The following LRRC3B variants were observed in gnomAD, a reference collection of about 807,000 sequenced individuals.
The protein encoded by LRRC3B is leucine-rich repeat-containing protein 3B.
Under a neutral mutation model 12.8 loss-of-function variants are expected in LRRC3B, and 2 were observed. The ratio of observed to expected loss-of-function variants is 0.16; its 90% CI spans 0.06 to 0.49. The LOEUF is 0.49. LRRC3B is among the 20% of genes least tolerant of loss of function. The pLI is 0.96. For missense variants in LRRC3B, 189 were observed against 319.4 expected (o/e 0.59, Z 3.11); for synonymous variants, 132 against 122.0 (o/e 1.08, Z -0.54).
chr3:26,643,906 G>T (rs7652856), intron 1 of LRRC3B, among the ~76,000 whole-genome samples: 78,323 of 151,898 alleles, frequency 0.52, 20,373 homozygotes, highest in East Asian at 0.64. Context: ...TCTTACCAGC[G>T]AATTCTGCAT....
chr3:26,680,786 A>AAGAT (rs1699954908), intron 1 of LRRC3B, among the ~76,000 whole-genome samples: 1 of 152,262 alleles, frequency 6.6e-6, no homozygotes. Context: ...TTGTGACCAA[A>AAGAT]AGATACAAAG....
chr3:26,703,877 T>C (rs1700518931), intron 1 of LRRC3B, among the ~76,000 whole-genome samples: 2 of 152,080 alleles, frequency 1.3e-5, no homozygotes, highest in South Asian at 4.1e-4. Flanking sequence ...CACTGAATAG[T>C]TGCTTTCTGA....
At chr3:26,631,843 G>A (rs78809774) in intron 1 of LRRC3B, among the ~76,000 whole-genome samples, 7,061 of 152,140 alleles carry the variant, frequency 0.046, 458 homozygotes, top group East Asian at 0.16. Flanking sequence ...TACTTCCCCC[G>A]TAAGAGGGAA....
chr3:26,631,185 C>G (rs1215467460), intron 1 of LRRC3B, among the ~76,000 whole-genome samples: 1 of 152,172 alleles, frequency 6.6e-6, no homozygotes, highest in African/African-American at 2.4e-5. Flanking sequence ...GAAGCAATAG[C>G]CTCCTGGATC....
chr3:26,684,659 T>G (rs994177146), intron 1 of LRRC3B, among the ~76,000 whole-genome samples: 2 of 152,222 alleles, frequency 1.3e-5, no homozygotes, highest in African/African-American at 4.8e-5. Flanking sequence ...AACTTGTCCT[T>G]TTTTAATGGC....
chr3:26,707,037 A>C (rs1700608184), intron 1 of LRRC3B, among the ~76,000 whole-genome samples: 1 of 152,114 alleles, frequency 6.6e-6, no homozygotes, highest in South Asian at 2.1e-4. Flanking sequence ...CTATGGCTAA[A>C]AAGCATCGAA....
At chr3:26,668,797 T>C (rs535583503) in intron 1 of LRRC3B, among the ~76,000 whole-genome samples, 1 of 152,338 alleles carries the variant, frequency 6.6e-6, no homozygotes, top group South Asian at 2.1e-4. Flanking sequence ...CAGTGTATGA[T>C]CCTCTGGCTC....
chr3:26,633,759 C>G, intron 1 of LRRC3B, among the ~76,000 whole-genome samples: 1 of 152,156 alleles, frequency 6.6e-6, no homozygotes, highest in East Asian at 1.9e-4. Context: ...TGCAGCTGAG[C>G]ATGAGGTCAC....
chr3:26,690,591 A>T (rs1485171051), intron 1 of LRRC3B, among the ~76,000 whole-genome samples: 1 of 152,112 alleles, frequency 6.6e-6, no homozygotes, highest in Non-Finnish European at 1.5e-5. Flanking sequence ...AGGAAAATCA[A>T]CTCAGAGCAA....
intron 1 of LRRC3B, among the ~76,000 whole-genome samples, chr3:26,654,266 G>A (rs1220775086): frequency 2.0e-5 from 3 of 152,146 alleles, no homozygotes; most frequent in Non-Finnish European, 4.4e-5. Context: ...ATAAGAAGCC[G>A]GCTGTCCAAC....
At chr3:26,671,263 C>T (rs928202584) in intron 1 of LRRC3B, among the ~76,000 whole-genome samples, 2 of 145,702 alleles carry the variant, frequency 1.4e-5, no homozygotes, top group Non-Finnish European at 3.0e-5. Flanking sequence ...GATCCGCCCG[C>T]CTCGGCCTCC....
chr3:26,667,550 G>GC (rs1476312902), intron 1 of LRRC3B, among the ~76,000 whole-genome samples: 1 of 152,088 alleles, frequency 6.6e-6, no homozygotes, highest in Admixed American at 6.5e-5. Context: ...CTAAAGTATG[G>GC]CCCCCACCCA....
intron 1 of LRRC3B, among the ~76,000 whole-genome samples, chr3:26,632,569 T>G (rs1698780964): frequency 6.6e-6 from 1 of 151,882 alleles, no homozygotes; most frequent in African/African-American, 2.4e-5. Flanking sequence ...GACCCAGGGT[T>G]TATATATGGT....
chr3:26,656,722 T>C (rs1003983004), intron 1 of LRRC3B, among the ~76,000 whole-genome samples: 2 of 152,226 alleles, frequency 1.3e-5, no homozygotes, highest in Non-Finnish European at 2.9e-5. Flanking sequence ...ATCTGAATCC[T>C]GACAACCATT....
chr3:26,677,431 T>G (rs1447955923), intron 1 of LRRC3B, among the ~76,000 whole-genome samples: 1 of 152,186 alleles, frequency 6.6e-6, no homozygotes, highest in African/African-American at 2.4e-5. Context: ...CATTTGCCTG[T>G]GATCGACTTG....
chr3:26,627,355 C>A (rs1047772758), intron 1 of LRRC3B, among the ~76,000 whole-genome samples: 1 of 152,142 alleles, frequency 6.6e-6, no homozygotes, highest in Non-Finnish European at 1.5e-5. Context: ...GGGCAAGAGT[C>A]ATAGACAGAT....
rs61229084 is a variant in LRRC3B, at chr3:26,685,486, C to CCTCT, written c.-160-23992_-160-23989dup. Among the ~76,000 whole-genome samples, 166 of 49,510 alleles carry CCTCT rather than the reference C, an allele frequency of 3.4e-3. 2 individuals carry two copies. Among genetic ancestry groups the CCTCT allele is most frequent in the African/African-American group, 4.4e-3 (48 of 10,796 alleles). 32.5% of individuals were successfully genotyped at this position (49,510 alleles called of 152,430 possible). A position where few individuals can be genotyped will look rare whatever the true frequency, so the allele number is the denominator to read the frequency against. On this transcript the variant is annotated intron_variant, in intron 1 of 1. Coordinates refer to ENST00000396641, the Ensembl canonical transcript of LRRC3B. ...CAACTAAGATATGGTAGACTCTCTC[C>CCTCT]CTCTCTCTCTCTCTCTCTCTCTCTC...
intron 1 of LRRC3B, among the ~76,000 whole-genome samples, chr3:26,647,344 T>C (rs986637213): frequency 1.3e-5 from 2 of 152,156 alleles, no homozygotes; most frequent in Non-Finnish European, 2.9e-5. Flanking sequence ...CCAGAGATCC[T>C]GGGAGCAGAG....
At chr3:26,660,674 A>G (rs372966148) in intron 1 of LRRC3B, among the ~76,000 whole-genome samples, 1 of 152,280 alleles carries the variant, frequency 6.6e-6, no homozygotes, top group South Asian at 2.1e-4. Context: ...ATGTTGACAA[A>G]GGAAAATGGT....
Sources: allele counts gnomAD v4.1 joint callset (sites outside exome capture counted in the v4.1 genomes callset), GRCh38; gene constraint gnomAD v4.1.1; transcripts MANE v1.5; gene names NCBI Gene and HGNC (gene_info 2026-07-23, HGNC 2026-07-21).